The following MX2 variants were observed in gnomAD, a reference collection of about 807,000 sequenced individuals.
MX2 encodes interferon-induced GTP-binding protein Mx2.
MX2 carries 51 observed loss-of-function variants against 74.0 expected under a neutral mutation model. That is an observed-to-expected ratio of 0.69 (90% confidence interval 0.55 to 0.87). MX2 has a LOEUF of 0.87. MX2 is among the 40% of genes least tolerant of loss of function. The pLI is 0.00. For synonymous variants in MX2, 369 were observed against 339.3 expected (o/e 1.09, Z -0.96); for missense variants, 832 against 908.7 (o/e 0.92, Z 1.09).
intron 1 of MX2, among the ~76,000 whole-genome samples, chr21:41,373,165 G>A (rs1406523680): frequency 6.6e-6 from 1 of 152,146 alleles, no homozygotes; most frequent in Non-Finnish European, 1.5e-5. Flanking sequence ...TCCCGGCTGG[G>A]TGTCCAGAGC....
rs768249092 is a variant in MX2 at position 41,377,786 on chromosome 21, C to G, written c.250-3C>G. The G allele has an allele frequency of 6.2e-6, 10 of 1,606,978 alleles. No individual in the cohort carries two copies. The South Asian group carries it at 1.1e-4, about 18-fold the overall frequency. On this transcript the variant is annotated splice_polypyrimidine_tract_variant and splice_region_variant and intron_variant, in intron 2 of 13. Transcript: ENST00000330714. Reference sequence around the variant, plus strand: ...GCAGTGGCATCTGTTCTGCCTTCTCCAGGGGCCCGAGAACAACCTGTACAG... The same window carrying G: ...GCAGTGGCATCTGTTCTGCCTTCTCGAGGGGCCCGAGAACAACCTGTACAG...
intron 6 of MX2, 94 bp from the exon 7 acceptor site, chr21:41,395,493 G>GT: frequency 8.7e-7 from 1 of 1,145,868 alleles, no homozygotes; most frequent in South Asian, 1.4e-5. Flanking sequence ...AGAAGACCTT[G>GT]TTGGCCAAAA....
In MX2 at chr21:41,388,878, G is replaced by A. The variant is rs1465288123; in HGVS notation, c.733-1687G>A. ...TGTCATAACTCAGGTAAGGGGTAGG[G>A]TTTGCTAGTGGTTTGGATGCTACCG... On this transcript the variant is annotated intron_variant, in intron 5 of 13. Coordinates refer to ENST00000330714, the MANE Select transcript of MX2 (RefSeq NM_002463.2). The surrounding 1 kb of genome is among the most constrained non-coding windows in gnomAD (Gnocchi z 4.0). 6.6e-6 allele frequency among the ~76,000 whole-genome samples: 1 copy of A among 152,196 alleles called. No individual in the cohort carries two copies. The highest frequency in any genetic ancestry group is 1.5e-5 in the Non-Finnish European group (1 of 68,036).
At chr21:41,381,736 G>A (rs1369848258) in intron 4 of MX2, among the ~76,000 whole-genome samples, 2 of 140,302 alleles carry the variant, frequency 1.4e-5, no homozygotes, top group African/African-American at 5.3e-5. Context: ...CCCAAGACAA[G>A]ACATCTTTAG....
At chr21:41,377,601 C>T (rs555975695) in intron 2 of MX2, among the ~76,000 whole-genome samples, 188 bp from the exon 3 acceptor site, 7 of 152,230 alleles carry the variant, frequency 4.6e-5, no homozygotes, top group Admixed American at 4.6e-4. Context: ...AGCATCTGCC[C>T]CTGTGAGGCC....
intron 6 of MX2, among the ~76,000 whole-genome samples, chr21:41,394,444 A>G (rs2089705343): frequency 6.6e-6 from 1 of 152,108 alleles, no homozygotes; most frequent in African/African-American, 2.4e-5. Flanking sequence ...CTCCCTGTCC[A>G]CCCAACTTGA....
At chr21:41,369,782 T>C (rs1026424537) in intron 1 of MX2, among the ~76,000 whole-genome samples, 1 of 151,782 alleles carries the variant, frequency 6.6e-6, no homozygotes, top group Non-Finnish European at 1.5e-5. Flanking sequence ...GATCAGTCAC[T>C]CTCCTCCCTC....
Position 41,397,710 on chromosome 21 carries a change from GT to G in MX2, c.1149+20del. On this transcript the variant is annotated intron_variant, in intron 8 of 13. Coordinates refer to ENST00000330714, the MANE Select transcript of MX2 (RefSeq NM_002463.2). ...TATCCAAGTGAGCCACGTGGGTTGG[GT>G]GACAAGTCATCAATACAGCATGCCC... The G allele has an allele frequency of 6.2e-7, 1 of 1,608,694 alleles. No homozygotes were observed. Among genetic ancestry groups the G allele is most frequent in the Non-Finnish European group, 8.5e-7 (1 of 1,175,182 alleles).
chr21:41,369,149 G>T lies in MX2; in HGVS notation c.-72+7094G>T, dbSNP rs1199411009. ...AAAACGTTTTACGAACCCAGGGCTA[G>T]TTCTGAAAACAGGAAGTGCTTTCAG... On this transcript the variant is annotated intron_variant, in intron 1 of 13. Coordinates refer to ENST00000330714, the MANE Select transcript of MX2 (RefSeq NM_002463.2). Among the ~76,000 whole-genome samples the T allele has an allele frequency of 2.0e-5, 3 of 152,246 alleles. No homozygotes were observed. The East Asian group carries it at 5.8e-4, about 29-fold the overall frequency.
At chr21:41,387,046 T>G (rs1383662737) in intron 5 of MX2, among the ~76,000 whole-genome samples, 1 of 151,910 alleles carries the variant, frequency 6.6e-6, no homozygotes, top group Non-Finnish European at 1.5e-5. Context: ...AGTCATAGAG[T>G]CAAAGCTTCC....
intron 12 of MX2, chr21:41,403,615 G>C: frequency 1.5e-6 from 1 of 684,914 alleles, no homozygotes; most frequent in South Asian, 1.4e-5. Context: ...GCAGGATGTG[G>C]GGCTCCACCG....
chr21:41,407,382 A>G (rs1004953616), intron 13 of MX2, among the ~76,000 whole-genome samples: 1 of 152,230 alleles, frequency 6.6e-6, no homozygotes, highest in East Asian at 1.9e-4. Context: ...TTCAGAAGGC[A>G]CTAACATGCC....
Position 41,376,868 on chromosome 21 carries a change from C to A in MX2, c.-39C>A. ...CAGGAAGATCGGAGGTGCCAAGTAG[C>A]AGAGAAAGCATCCCCCAGCTCTGAC... On this transcript the variant is annotated 5_prime_UTR_variant, in exon 2 of 14. Coordinates refer to ENST00000330714, the MANE Select transcript of MX2 (RefSeq NM_002463.2). The A allele has an allele frequency of 6.2e-7, 1 of 1,606,612 alleles. No homozygotes were observed. The highest frequency in any genetic ancestry group is 1.1e-5 in the South Asian group (1 of 90,568).
At position 41,377,175 on chromosome 21, in the gene MX2, G is replaced by C; in HGVS notation, c.249+20G>C. On this transcript the variant is annotated intron_variant, in intron 2 of 13. Transcript: ENST00000330714. ...GCAATGGTAAGCCCGGTGGAGGGAC[G>C]TTCAGAAAGGGTGCATTCTGGCTGC... is the stretch of plus-strand genomic sequence containing the variant. The C allele has an allele frequency of 2.5e-6, 4 of 1,612,438 alleles. No individual in the cohort carries two copies. The highest frequency in any genetic ancestry group is 3.4e-6 in the Non-Finnish European group (4 of 1,178,908).
At chr21:41,375,982 T>C (rs1220659019) in intron 1 of MX2, among the ~76,000 whole-genome samples, 4 of 152,204 alleles carry the variant, frequency 2.6e-5, no homozygotes, top group South Asian at 4.1e-4. Flanking sequence ...GCCAAATGCA[T>C]AGGCTTGTTG....
chr21:41,403,565 ATGCGGCCC>A (rs1276471188), intron 12 of MX2: 1 of 739,856 alleles, frequency 1.4e-6, no homozygotes, highest in South Asian at 1.4e-5. Flanking sequence ...GAGAAATGAA[ATGCGGCCC>A]GTGCCCTGCC....
intron 3 of MX2, among the ~76,000 whole-genome samples, chr21:41,378,385 T>C (rs78231422): frequency 0.088 from 12,964 of 147,876 alleles, 1,299 homozygotes; most frequent in African/African-American, 0.26. Flanking sequence ...GGCAGGGGGC[T>C]GGATTCCCCA....
rs1234816606 is a variant in MX2 at position 41,395,630 on chromosome 21, A to G, written c.915A>G (p.Lys305=). The change falls in exon 7 of 14, where the codon AAA becomes AAG. Residue 305 remains lysine, a synonymous_variant. Coordinates refer to ENST00000330714, the MANE Select transcript of MX2 (RefSeq NM_002463.2). ...KPDLMDRGTE[K]SVMNVVRNLT... is the part of the protein sequence containing the mutation. ...ATCTAATGGACAGGGGCACTGAGAA[A>G]AGCGTCATGAATGTGGTGCGGAACC... 1.2e-6 allele frequency: 2 copies of G among 1,614,206 alleles called. No homozygotes were observed. Among genetic ancestry groups the G allele is most frequent in the Non-Finnish European group, 1.7e-6 (2 of 1,180,050 alleles).
intron 8 of MX2, 87 bp downstream of exon 8, chr21:41,397,778 G>C: frequency 8.6e-7 from 1 of 1,158,372 alleles, no homozygotes; most frequent in South Asian, 1.3e-5. Context: ...ATGCCCCACT[G>C]ATCTGTCCAA....
Sources: gnomAD v4.1 joint callset for allele counts (sites outside exome capture counted in the v4.1 genomes callset) on GRCh38, gnomAD v4.1.1 for gene constraint, Gnocchi (gnomAD v3.1) non-coding constraint, MANE v1.5 for transcripts, NCBI Gene and HGNC (gene_info 2026-07-23, HGNC 2026-07-21) for gene names.